The following GALNT2 variants were observed in gnomAD, a reference collection of about 807,000 sequenced individuals.
GALNT2 encodes polypeptide N-acetylgalactosaminyltransferase 2, also known as UDP-GalNAc:polypeptide N-acetylgalactosaminyltransferase 2.
In GALNT2, 31 loss-of-function variants were observed where a neutral mutation model predicts 81.4. The observed-to-expected ratio is 0.38, with a 90% CI of 0.29 to 0.51. The LOEUF is 0.51. GALNT2 is among the 20% of genes least tolerant of loss of function. The pLI, the probability that GALNT2 is intolerant of heterozygous loss-of-function variation, is 0.87. For missense variants in GALNT2, 629 were observed against 765.7 expected (o/e 0.82, Z 2.11); for synonymous variants, 303 against 287.4 (o/e 1.05, Z -0.55).
chr1:230,123,671 T>C (rs1661090437), intron 1 of GALNT2, among the ~76,000 whole-genome samples: 1 of 152,236 alleles, frequency 6.6e-6, no homozygotes, highest in Non-Finnish European at 1.5e-5. Context: ...TTCTTAAGTC[T>C]TTTTTACTTT....
At chr1:230,173,534 T>G (rs1209147429) in intron 1 of GALNT2, among the ~76,000 whole-genome samples, 1 of 152,168 alleles carries the variant, frequency 6.6e-6, no homozygotes, top group Non-Finnish European at 1.5e-5. Flanking sequence ...CAAAGCGGGC[T>G]TACAAGATCA....
In GALNT2 at chr1:230,249,359, A is replaced by G. The variant is rs1483626860; in HGVS notation, c.905+88A>G. 2.6e-6 allele frequency: 3 copies of G among 1,147,810 alleles called. No individual in the cohort carries two copies. In the African/African-American group the frequency reaches 4.6e-5, roughly 18 times the overall value. The allele number at this position is 1,147,810 out of a possible 1,614,324, so 71.1% of individuals were successfully genotyped here. On this transcript the variant is annotated intron_variant, in intron 9 of 15. Transcript: ENST00000366672. ...CTGGGCCCGCACCGCCTGGAGACCC[A>G]GTGGGGGCTGTTCACCTTCTGCCCT...
chr1:230,059,587 G>A (rs1658995570), intron 1 of GALNT2, among the ~76,000 whole-genome samples: 1 of 152,202 alleles, frequency 6.6e-6, no homozygotes, highest in Non-Finnish European at 1.5e-5. Context: ...GGGCTGTGGG[G>A]TTGTTGCAAT....
intron 1 of GALNT2, among the ~76,000 whole-genome samples, chr1:230,123,119 T>C (rs562559010): frequency 5.9e-5 from 9 of 152,362 alleles, no homozygotes; most frequent in Non-Finnish European, 1.3e-4. Context: ...TTCAGAACAT[T>C]GTTGAACCTC....
intron 1 of GALNT2, among the ~76,000 whole-genome samples, chr1:230,143,550 C>A (rs1170778157): frequency 2.6e-5 from 4 of 152,184 alleles, no homozygotes; most frequent in African/African-American, 9.7e-5. Context: ...TGTAAAGAGG[C>A]ATGGCAGGTG....
intron 1 of GALNT2, among the ~76,000 whole-genome samples, chr1:230,137,657 C>T (rs549912747): frequency 7.2e-5 from 11 of 152,332 alleles, no homozygotes; most frequent in Middle Eastern, 6.8e-3. Context: ...GCAACAGGCT[C>T]GTCAGCATCT....
intron 1 of GALNT2, among the ~76,000 whole-genome samples, chr1:230,150,717 G>A (rs947685498): frequency 6.6e-6 from 1 of 152,252 alleles, no homozygotes; most frequent in Non-Finnish European, 1.5e-5. Flanking sequence ...AATGCGCTGC[G>A]ACATTCAGCC....
At chr1:230,076,009 C>G (rs1364220181) in intron 1 of GALNT2, among the ~76,000 whole-genome samples, 1 of 152,100 alleles carries the variant, frequency 6.6e-6, no homozygotes, top group Non-Finnish European at 1.5e-5. Context: ...AGGATGTTGC[C>G]TTTGGTTGGC....
chr1:230,111,006 C>T (rs779403569), intron 1 of GALNT2, among the ~76,000 whole-genome samples: 6 of 152,048 alleles, frequency 3.9e-5, no homozygotes, highest in East Asian at 1.9e-4. Context: ...AATGTGTGTG[C>T]GTGTGTCTGC....
chr1:230,172,279 C>T (rs188020848), intron 1 of GALNT2, among the ~76,000 whole-genome samples: 2 of 152,244 alleles, frequency 1.3e-5, no homozygotes, highest in Admixed American at 1.3e-4. Context: ...CTTAAGCAGC[C>T]CTACTGGATG....
intron 1 of GALNT2, among the ~76,000 whole-genome samples, chr1:230,134,607 G>A (rs2102816898): frequency 6.6e-6 from 1 of 152,300 alleles, no homozygotes; most frequent in African/African-American, 2.4e-5. Flanking sequence ...CCCAGACCTG[G>A]TGGAGAGGAG....
At chr1:230,179,756 T>A (rs1558126828) in intron 2 of GALNT2, among the ~76,000 whole-genome samples, 1 of 152,196 alleles carries the variant, frequency 6.6e-6, no homozygotes, top group East Asian at 1.9e-4. Flanking sequence ...GTCTTCTCAT[T>A]GTCTTGATAG....
At chr1:230,085,342 C>T (rs968593152) in intron 1 of GALNT2, among the ~76,000 whole-genome samples, 3 of 152,112 alleles carry the variant, frequency 2.0e-5, no homozygotes, top group Non-Finnish European at 2.9e-5. Flanking sequence ...TATCCTGTCC[C>T]GTGGAACACT....
chr1:230,171,338 GAA>G (rs1662784969), intron 1 of GALNT2, among the ~76,000 whole-genome samples: 1 of 152,220 alleles, frequency 6.6e-6, no homozygotes, highest in Non-Finnish European at 1.5e-5. Flanking sequence ...AATGGGCTGT[GAA>G]ATATAAATTA....
At chr1:230,084,934 T>C (rs1195772432) in intron 1 of GALNT2, among the ~76,000 whole-genome samples, 5 of 152,154 alleles carry the variant, frequency 3.3e-5, no homozygotes, top group African/African-American at 1.2e-4. Flanking sequence ...CCAGACATGC[T>C]GCCTTGCTCT....
chr1:230,100,653 G>A (rs902143741), intron 1 of GALNT2, among the ~76,000 whole-genome samples: 1 of 152,198 alleles, frequency 6.6e-6, no homozygotes, highest in African/African-American at 2.4e-5. Context: ...ATCCTGTGAG[G>A]CGTATGTAGT....
intron 1 of GALNT2, among the ~76,000 whole-genome samples, chr1:230,072,808 G>A (rs1659416782): frequency 6.6e-6 from 1 of 152,188 alleles, no homozygotes. Context: ...GCAATCAAAG[G>A]GTTGAATCCT....
chr1:230,188,974 C>CGGA (rs1558131238), intron 2 of GALNT2, among the ~76,000 whole-genome samples: 1 of 151,832 alleles, frequency 6.6e-6, no homozygotes, highest in East Asian at 1.9e-4. Flanking sequence ...GGCAAAGGAG[C>CGGA]GGGGGCCGGA....
At chr1:230,236,527 A>G in intron 5 of GALNT2, 107 bp downstream of exon 5, 1 of 1,426,998 alleles carries the variant, frequency 7.0e-7, no homozygotes, top group African/African-American at 1.4e-5. Context: ...AATCAGATCC[A>G]CAGAAAGAAG....
Sources: allele counts gnomAD v4.1 joint callset (sites outside exome capture counted in the v4.1 genomes callset), GRCh38; gene constraint gnomAD v4.1.1; transcripts MANE v1.5; gene names NCBI Gene and HGNC (gene_info 2026-07-23, HGNC 2026-07-21).